Variants in KLK11 observed in about 807,000 individuals in gnomAD.
KLK11 encodes kallikrein related peptidase 11.
KLK11 carries 10 observed loss-of-function variants against 23.4 expected under a neutral mutation model. The observed-to-expected ratio is 0.43, with a 90% confidence interval of 0.26 to 0.73. The LOEUF (loss-of-function observed/expected upper bound fraction) is 0.73, where lower values mean the gene tolerates loss of function less well. KLK11 is among the 30% of genes least tolerant of loss of function. KLK11 has a pLI of 0.22. For missense variants in KLK11, 285 were observed against 327.8 expected, an observed-to-expected ratio of 0.87 and a Z score of 1.01; for synonymous variants, 131 against 131.7, an observed-to-expected ratio of 0.99 and a Z score of 0.03.
chr19:51,022,463 A>G lies in KLK11; in HGVS notation c.*82T>C. 1 of 1,543,504 alleles carries G rather than the reference A, an allele frequency of 6.5e-7. No individual in the cohort carries two copies. Among genetic ancestry groups the G allele is most frequent in the East Asian group, 2.2e-5 (1 of 44,530 alleles). On this transcript the variant is annotated 3_prime_UTR_variant, in exon 6 of 6. Transcript: ENST00000453757. ...GAATGTTCGTAGAGGGTCTTGGCTT[A>G]GGGTTTCTTATTAACAGAGTGAACA...
At chr19:51,022,851 G>A (rs1342846677) in intron 5 of KLK11, among the ~76,000 whole-genome samples, 154 bp from the exon 6 acceptor site, 1 of 152,152 alleles carries the variant, frequency 6.6e-6, no homozygotes. Flanking sequence ...GGGATTATGG[G>A]TGGGATAAAG....
At chr19:51,027,167 C>T, upstream of KLK11, 1 of 392,846 alleles carries the variant, frequency 2.5e-6, no homozygotes, top group Non-Finnish European at 4.6e-6. Flanking sequence ...TCTCCACAGC[C>T]CCAGCCCAGG....
At chr19:51,023,384 CTTTTTTTTTT>C in intron 4 of KLK11, 156 bp from the exon 5 acceptor site, 1 of 483,260 alleles carries the variant, frequency 2.1e-6, no homozygotes, top group African/African-American at 2.4e-5. Flanking sequence ...TGCTATCCAG[CTTTTTTTTTT>C]TTTTTTTCGA....
At chr19:51,024,000 T>A in intron 4 of KLK11, 45 bp downstream of exon 4, 1 of 1,430,206 alleles carries the variant, frequency 7.0e-7, no homozygotes, top group Non-Finnish European at 9.3e-7. Flanking sequence ...TCCTGACCAC[T>A]CCCTCCTCAC....
chr19:51,026,372 C>G (rs931494253), intron 1 of KLK11, among the ~76,000 whole-genome samples, 166 bp downstream of exon 1: 1 of 151,826 alleles, frequency 6.6e-6, no homozygotes, highest in African/African-American at 2.4e-5. Context: ...ACTGAGGCTG[C>G]GGACAGCCAT....
rs755483480 is a variant in KLK11 at position 51,022,536 on chromosome 19, G to A, written c.*9C>T. 6.2e-7 allele frequency: 1 copy of A among 1,614,068 alleles called. No homozygotes were observed. The highest frequency in any genetic ancestry group is 1.1e-5 in the South Asian group (1 of 91,072). ...TGGAGGGTGATGGGCTGTGGTGGGT[G>A]GGTCCAGTCTAATTGTTCTTCATCG... On this transcript the variant is annotated 3_prime_UTR_variant, in exon 6 of 6. Transcript: ENST00000453757.
In KLK11 at chr19:51,024,153, G is replaced by C. The variant is rs186344956; in HGVS notation, c.355C>G (p.Pro119Ala). The change falls in exon 4 of 6, where the codon CCA becomes GCA. Residue 119 changes from proline to alanine, a missense_variant. Transcript: ENST00000453757. The surrounding 1 kb of genome is among the most constrained non-coding windows in gnomAD (Gnocchi z 6.2). ...NDIMLVKMAS[P>A]VSITWAVRPL... ...CGCACAGCCCAGGTGATGGAGACTG[G>C]CGATGCCATCTTCACCAGCATGATG... 278 of 1,613,286 alleles carry C rather than the reference G, an allele frequency of 1.7e-4. 2 individuals are homozygous for C. The East Asian group carries it at 5.4e-3, about 31-fold the overall frequency.
At position 51,024,502 on chromosome 19, in the gene KLK11, G is replaced by T; in HGVS notation, c.197+136C>A. The stretch of plus-strand genomic sequence containing the variant: ...ATCCCCCCACCTTCAATACCAACTC[G>T]AGCCCATCAACCTTGCTGACACTAC... On this transcript the variant is annotated intron_variant, in intron 3 of 5. Coordinates refer to ENST00000453757, the MANE Select transcript of KLK11 (RefSeq NM_001136032.3). This position sits in a 1 kb window ranked among gnomAD's most constrained non-coding sequence, Gnocchi z 6.2. The T allele has an allele frequency of 8.5e-7, 1 of 1,176,166 alleles. No individual in the cohort carries two copies. The highest frequency in any genetic ancestry group is 1.6e-5 in the South Asian group (1 of 61,756). 72.9% of individuals were successfully genotyped at this position (1,176,166 alleles called of 1,614,324 possible).
intron 5 of KLK11, among the ~76,000 whole-genome samples, 165 bp from the exon 6 acceptor site, chr19:51,022,862 G>A (rs1445404542): frequency 1.3e-5 from 2 of 152,148 alleles, no homozygotes; most frequent in East Asian, 3.8e-4. Flanking sequence ...TGGGATAAAG[G>A]ATGGGGTTAG....
Position 51,023,242 on chromosome 19 carries a change from G to GT in KLK11, c.464-15dup, listed in dbSNP as rs752487023. 1.9e-6 allele frequency: 3 copies of GT among 1,609,938 alleles called. No individual in the cohort carries two copies. In the South Asian group the frequency reaches 3.3e-5, roughly 18 times the overall value. ...GAGGCAGGCGTACTGTGGAAACAGCGTGAGGGGCTGTGGGAATGAGCCCCC... is the reference window on the plus strand; with the variant it reads ...GAGGCAGGCGTACTGTGGAAACAGCGTTGAGGGGCTGTGGGAATGAGCCCCC... On this transcript the variant is annotated splice_polypyrimidine_tract_variant and intron_variant, in intron 4 of 5. Transcript: ENST00000453757.
intron 4 of KLK11, chr19:51,023,754 G>A (rs2091435930): frequency 3.2e-5 from 11 of 342,658 alleles, no homozygotes; most frequent in Non-Finnish European, 5.8e-5. Context: ...TGACAGGTGG[G>A]TATAATCATT....
chr19:51,025,668 T>C lies in KLK11; in HGVS notation c.-35-2A>G. The C allele has an allele frequency of 1.3e-6, 2 of 1,537,056 alleles. No homozygotes were observed. The highest frequency in any genetic ancestry group is 1.8e-6 in the Non-Finnish European group (2 of 1,138,062). ...GGGAGGAGCGGGCCCCAGGTTCCTC[T>C]GGGAACAAGGAGGGACATGGGGCCG... On this transcript the variant is annotated splice_acceptor_variant, in intron 1 of 5. Coordinates refer to ENST00000453757, the MANE Select transcript of KLK11 (RefSeq NM_001136032.3). LOFTEE classifies it low-confidence loss of function (5UTR_SPLICE). This position sits in a 1 kb window ranked among gnomAD's most constrained non-coding sequence, Gnocchi z 6.2.
In KLK11 at chr19:51,023,776, G is replaced by A. The variant is rs141977237; in HGVS notation, c.463+269C>T. On this transcript the variant is annotated intron_variant, in intron 4 of 5. Transcript: ENST00000453757. ...TGGGTATAATCATTCTCATTTTATAGAGAAGAAAATCAAGATTCAGAGAGG... is the reference window on the plus strand; with the variant it reads ...TGGGTATAATCATTCTCATTTTATAAAGAAGAAAATCAAGATTCAGAGAGG... 1,389 of 384,476 alleles carry A rather than the reference G, an allele frequency of 3.6e-3. 19 individuals carry two copies. Among genetic ancestry groups the A allele is most frequent in the African/African-American group, 0.026 (1,249 of 48,756 alleles). The allele number at this position is 384,476 out of a possible 1,614,324, so 23.8% of individuals were successfully genotyped here. A position where few individuals can be genotyped will look rare whatever the true frequency, so the allele number is the denominator to read the frequency against.
rs112633611 is a variant in KLK11 at position 51,025,724 on chromosome 19, G to C, written c.-35-58C>G. The C allele has an allele frequency of 8.9e-5, 62 of 696,010 alleles. No homozygotes were observed. Among genetic ancestry groups the C allele is most frequent in the East Asian group, 8.0e-4 (26 of 32,626 alleles). 43.1% of individuals were successfully genotyped at this position (696,010 alleles called of 1,614,324 possible). On this transcript the variant is annotated intron_variant, in intron 1 of 5. Transcript: ENST00000453757. The surrounding 1 kb of genome is among the most constrained non-coding windows in gnomAD (Gnocchi z 6.2). ...CTTTACGGGGAAATCGGGAGGGGGG[G>C]GCTGGCTCATGCCCTCTCCTCTCTC...
In KLK11 at chr19:51,024,604, C is replaced by T. The variant is rs1458669797; in HGVS notation, c.197+34G>A. 4 of 1,474,616 alleles carry T rather than the reference C, an allele frequency of 2.7e-6. No individual in the cohort carries two copies. The highest frequency in any genetic ancestry group is 3.6e-6 in the Non-Finnish European group (4 of 1,111,218). The allele number at this position is 1,474,616 out of a possible 1,614,324, so 91.3% of individuals were successfully genotyped here. ...CCATCCATCTCCCCATTCCCAGCCC[C>T]CCACCCCGGCACCGCCCCAGCCCCC... On this transcript the variant is annotated intron_variant, in intron 3 of 5. Transcript: ENST00000453757. This position sits in a 1 kb window ranked among gnomAD's most constrained non-coding sequence, Gnocchi z 6.2.
chr19:51,024,514 C>G lies in KLK11; in HGVS notation c.197+124G>C, dbSNP rs1416394126. ...TCAATACCAACTCGAGCCCATCAAC[C>G]TTGCTGACACTACCCATCCCCATCT... On this transcript the variant is annotated intron_variant, in intron 3 of 5. Coordinates refer to ENST00000453757, the MANE Select transcript of KLK11 (RefSeq NM_001136032.3). The surrounding 1 kb of genome is among the most constrained non-coding windows in gnomAD (Gnocchi z 6.2). 3 of 1,272,764 alleles carry G rather than the reference C, an allele frequency of 2.4e-6. No individual in the cohort carries two copies. Among genetic ancestry groups the G allele is most frequent in the Admixed American group, 5.2e-5 (2 of 38,228 alleles). 78.8% of individuals were successfully genotyped at this position (1,272,764 alleles called of 1,614,324 possible).
At chr19:51,022,746 T>G in intron 5 of KLK11, 49 bp from the exon 6 acceptor site, 1 of 1,607,268 alleles carries the variant, frequency 6.2e-7, no homozygotes, top group Non-Finnish European at 8.5e-7. Context: ...TTGAGCATGG[T>G]GTTAGCCAGG....
chr19:51,027,255 G>A (rs1049849088), upstream of KLK11: 5 of 587,890 alleles, frequency 8.5e-6, no homozygotes, highest in African/African-American at 3.7e-5. Flanking sequence ...TCACACAGGT[G>A]GGGCTGCTGC....
chr19:51,026,622 G>C, upstream of KLK11: 1 of 986,818 alleles, frequency 1.0e-6, no homozygotes, highest in Non-Finnish European at 1.2e-6. Flanking sequence ...GGGTTGGAGC[G>C]CCAGGTGCCA....
Sources: gnomAD v4.1 joint callset for allele counts (sites outside exome capture counted in the v4.1 genomes callset) on GRCh38, gnomAD v4.1.1 for gene constraint, Gnocchi (gnomAD v3.1) non-coding constraint, MANE v1.5 for transcripts, NCBI Gene and HGNC (gene_info 2026-07-23, HGNC 2026-07-21) for gene names.